Variants in ZWILCH observed in about 807,000 individuals in gnomAD.
ZWILCH encodes zwilch kinetochore protein.
A neutral mutation model predicts 79.9 loss-of-function variants in ZWILCH; 74 were observed. The observed-to-expected ratio is 0.93, with a 90% confidence interval of 0.77 to 1.12. ZWILCH has a LOEUF of 1.12. ZWILCH is among the 50% of genes most tolerant of loss of function. The pLI is 0.00. For missense variants in ZWILCH, 694 were observed against 687.5 expected (o/e 1.01, Z -0.11); for synonymous variants, 241 against 228.2 (o/e 1.06, Z -0.51).
At chr15:66,508,641 G>T in intron 1 of ZWILCH, 200 bp from the exon 2 acceptor site, 2 of 1,072,750 alleles carry the variant, frequency 1.9e-6, no homozygotes, top group Non-Finnish European at 1.2e-6. Flanking sequence ...TTTCTTTTTT[G>T]GTTCTCTTTT....
rs77641300 is a variant in ZWILCH at position 66,547,022 on chromosome 15, A to G, written c.*26+317A>G. 2.0e-3 allele frequency: 315 copies of G among 154,364 alleles called. 1 individual carries two copies. The highest frequency in any genetic ancestry group is 7.4e-3 in the African/African-American group (307 of 41,612). The allele number at this position is 154,364 out of a possible 1,614,324, so 9.6% of individuals were successfully genotyped here. ...GTTTGATTTTGAAAACATTGATGCA[A>G]GAGAAAAACCCTGAACAGGCATACT... On this transcript the variant is annotated intron_variant, in intron 18 of 18. Transcript: ENST00000307897.
intron 9 of ZWILCH, 84 bp from the exon 10 acceptor site, chr15:66,527,773 T>C: frequency 7.4e-6 from 9 of 1,218,910 alleles, no homozygotes; most frequent in Non-Finnish European, 1.1e-5. Context: ...ACTGTCCCCA[T>C]TTACCATTTG....
intron 4 of ZWILCH, among the ~76,000 whole-genome samples, chr15:66,517,430 G>GTGTGTGTATATATATATATATATATATA: frequency 2.1e-4 from 14 of 66,508 alleles, no homozygotes; most frequent in African/African-American, 7.3e-4. Context: ...GTGTGTGTGT[G>GTGTGTGTATATATATATATATATATATA]TATATATATA....
intron 3 of ZWILCH, chr15:66,514,310 C>CTTTT: frequency 4.9e-6 from 1 of 202,062 alleles, no homozygotes; most frequent in South Asian, 7.1e-5. Flanking sequence ...TCACTTATTT[C>CTTTT]TTTTTTTTTT....
At position 66,535,952 on chromosome 15, in the gene ZWILCH, C is replaced by T. The variant is rs368082642; in HGVS notation, c.1361C>T (p.Ser454Leu). ...TTCCAGGAATACTTCATTGCTCCATCAGTAGATATACAAGAACAGGTTTAT... is the reference window on the plus strand; with the variant it reads ...TTCCAGGAATACTTCATTGCTCCATTAGTAGATATACAAGAACAGGTTTAT... ...LNHLEYFIAP[S>L]VDIQEQVYRV... Residue 454 changes from serine (S) to leucine (L), a missense_variant, in exon 15 of 19, where the codon TCA becomes TTA. Ser to Leu is a moderately radical substitution (Grantham distance 145, BLOSUM62 -2). Transcript: ENST00000307897. The T allele has an allele frequency of 3.7e-6, 6 of 1,606,678 alleles. No homozygotes were observed. The highest frequency in any genetic ancestry group is 4.2e-6 in the Non-Finnish European group (5 of 1,178,164).
At chr15:66,520,083 C>G (rs544174987) in intron 5 of ZWILCH, among the ~76,000 whole-genome samples, 5 of 151,568 alleles carry the variant, frequency 3.3e-5, no homozygotes, top group Non-Finnish European at 7.4e-5. Context: ...GCTGGCATTA[C>G]AGGCAAGTGC....
chr15:66,514,104 G>A (rs1477901737), intron 3 of ZWILCH, 21 bp downstream of exon 3: 1 of 1,559,942 alleles, frequency 6.4e-7, no homozygotes, highest in Non-Finnish European at 8.7e-7. Context: ...GTTTGACTTT[G>A]TGGTTGTTTA....
chr15:66,506,317 A>C (rs1225309396), intron 1 of ZWILCH, among the ~76,000 whole-genome samples: 1 of 152,090 alleles, frequency 6.6e-6, no homozygotes, highest in Non-Finnish European at 1.5e-5. Flanking sequence ...CTCCTTATAG[A>C]TCTATCTCAT....
Position 66,508,823 on chromosome 15 carries a change from T to G in ZWILCH, c.54-18T>G, listed in dbSNP as rs766827416. ...AGATAATGTAGTTCTGTTTTTCACA[T>G]GTGGTTCTGCGTTTCAGGAAATTTA... On this transcript the variant is annotated intron_variant, in intron 1 of 18. Transcript: ENST00000307897. The G allele has an allele frequency of 7.4e-6, 12 of 1,613,848 alleles. No individual in the cohort carries two copies. In the African/African-American group the frequency reaches 1.3e-4, roughly 18 times the overall value.
chr15:66,536,736 G>GT (rs947967775), intron 15 of ZWILCH, among the ~76,000 whole-genome samples: 21 of 148,474 alleles, frequency 1.4e-4, no homozygotes, highest in African/African-American at 3.2e-4. Flanking sequence ...TCCAAGTTTT[G>GT]TTTTTTTTTT....
At position 66,517,877 on chromosome 15, in the gene ZWILCH, C is replaced by T. The variant is rs74359711; in HGVS notation, c.321-1002C>T. 4.8e-3 allele frequency among the ~76,000 whole-genome samples: 733 copies of T among 151,386 alleles called. 7 individuals carry two copies. The highest frequency in any genetic ancestry group is 0.017 in the African/African-American group (701 of 41,176). On this transcript the variant is annotated intron_variant, in intron 4 of 18. Coordinates refer to ENST00000307897, the MANE Select transcript of ZWILCH (RefSeq NM_017975.5). Reference sequence around the variant, plus strand: ...CCTCCTGAGTAGCTGGGATTACAAGCACAAGTCACCACACCCGGCTAATTT... The same window carrying T: ...CCTCCTGAGTAGCTGGGATTACAAGTACAAGTCACCACACCCGGCTAATTT...
chr15:66,535,461 AG>A (rs1269593418), intron 14 of ZWILCH, among the ~76,000 whole-genome samples: 1 of 152,096 alleles, frequency 6.6e-6, no homozygotes, highest in Non-Finnish European at 1.5e-5. Flanking sequence ...AGATCACTTG[AG>A]GTCAGGAGTT....
intron 17 of ZWILCH, among the ~76,000 whole-genome samples, chr15:66,543,587 T>C (rs1259792107): frequency 6.6e-6 from 1 of 152,078 alleles, no homozygotes; most frequent in Admixed American, 6.6e-5. Flanking sequence ...TGGGACCCGA[T>C]CTGTACAAAA....
At chr15:66,522,853 C>T (rs1395665180) in intron 7 of ZWILCH, among the ~76,000 whole-genome samples, 1 of 152,094 alleles carries the variant, frequency 6.6e-6, no homozygotes, top group Non-Finnish European at 1.5e-5. Flanking sequence ...GAGACAGAGT[C>T]TTACTGTCAC....
intron 1 of ZWILCH, among the ~76,000 whole-genome samples, chr15:66,506,697 T>G (rs1424218880): frequency 6.6e-6 from 1 of 151,890 alleles, no homozygotes; most frequent in Non-Finnish European, 1.5e-5. Flanking sequence ...TCCTATTAAC[T>G]AGGCATGGTG....
intron 12 of ZWILCH, among the ~76,000 whole-genome samples, chr15:66,531,585 C>T (rs563355349): frequency 1.3e-5 from 2 of 151,996 alleles, no homozygotes; most frequent in African/African-American, 4.8e-5. Flanking sequence ...CTCAGCCTCC[C>T]GAGCTGGGAC....
intron 17 of ZWILCH, among the ~76,000 whole-genome samples, chr15:66,543,612 C>T (rs1895263070): frequency 6.6e-6 from 1 of 152,044 alleles, no homozygotes; most frequent in African/African-American, 2.4e-5. Flanking sequence ...CAAAAATTAG[C>T]TGCGTGTGGT....
In ZWILCH at chr15:66,527,320, A is replaced by C. The variant is rs1301214002; in HGVS notation, c.850A>C (p.Thr284Pro). Residue 284 changes from threonine to proline, a missense_variant, in exon 9 of 19, where the codon ACT becomes CCT. By Grantham distance (38) the Thr-to-Pro change is conservative (BLOSUM62 -1). Coordinates refer to ENST00000307897, the MANE Select transcript of ZWILCH (RefSeq NM_017975.5). ...GGCTGATGGTTTGAGGACTGGTGTC[A>C]CTGAATGGCTCGAGCCCCTGGAAGC... is the stretch of plus-strand genomic sequence containing the variant. ...VLADGLRTGV[T>P]EWLEPLEAKS... 6.2e-7 allele frequency: 1 copy of C among 1,614,140 alleles called. No homozygotes were observed. Among genetic ancestry groups the C allele is most frequent in the Non-Finnish European group, 8.5e-7 (1 of 1,179,998 alleles).
At chr15:66,536,125 A>G in intron 15 of ZWILCH, 56 bp downstream of exon 15, 1 of 1,466,034 alleles carries the variant, frequency 6.8e-7, no homozygotes, top group South Asian at 1.3e-5. Flanking sequence ...TGAAATAGTT[A>G]CAGCCTAAAT....
Sources: gnomAD v4.1 joint callset for allele counts (sites outside exome capture counted in the v4.1 genomes callset) on GRCh38, gnomAD v4.1.1 for gene constraint, MANE v1.5 for transcripts, NCBI Gene and HGNC (gene_info 2026-07-23, HGNC 2026-07-21) for gene names.